The following ERCC6L variants were observed in gnomAD, a reference collection of about 807,000 sequenced individuals.
ERCC6L encodes the protein ERCC excision repair 6 like, spindle assembly checkpoint helicase.
Under a neutral mutation model 20.1 loss-of-function variants are expected in ERCC6L, and 7 were observed. The ratio of observed to expected loss-of-function variants is 0.35; its 90% confidence interval spans 0.20 to 0.65. ERCC6L has a LOEUF of 0.65. Among genes scored for constraint, ERCC6L ranks in the 30% least tolerant of loss-of-function variants. ERCC6L has a pLI of 0.69. For synonymous variants in ERCC6L, 278 were observed against 331.3 expected (o/e 0.84, Z 1.75); for missense variants, 592 against 892.4 (o/e 0.66, Z 4.29).
chrX:72,221,790 C>T (rs763893637), intron 1 of ERCC6L, among the ~76,000 whole-genome samples: 23 of 110,194 alleles, frequency 2.1e-4, no homozygotes, highest in Non-Finnish European at 4.4e-4. Context: ...TCCCAACCCT[C>T]CCTATGTCAA....
chrX:72,220,954 G>A (rs905816727), intron 1 of ERCC6L, among the ~76,000 whole-genome samples: 6 of 111,826 alleles, frequency 5.4e-5, no homozygotes, highest in Admixed American at 2.8e-4. Flanking sequence ...AGTGGGCAAC[G>A]GCAGCTCATC....
Position 72,207,730 on chromosome X carries a change from T to A in ERCC6L, c.1037A>T (p.Asn346Ile), listed in dbSNP as rs149128529. Residue 346 changes from asparagine to isoleucine, a missense_variant, in exon 2 of 2, where the codon AAT becomes ATT. Physicochemically the swap from Asn to Ile is moderately radical, Grantham distance 149. Around this residue, in one of 3 missense-constraint regions of ERCC6L, gnomAD observed 196 missense variants for 440.1 expected, o/e 0.45. Coordinates refer to ENST00000334463, the MANE Select transcript of ERCC6L (RefSeq NM_017669.4). ...GGCATCAACATCTGGATTCTTTTCA[T>A]TAAGTCTGGCCTCTGGGTTGCTTGA... The part of the protein sequence containing the change: ...KKSSNPEARL[N>I]EKNPDVDAIC... 1.0e-4 allele frequency: 127 copies of A among 1,210,098 alleles called. No homozygotes were observed. Among genetic ancestry groups the A allele is most frequent in the Admixed American group, 4.4e-4 (20 of 45,699 alleles).
chrX:72,226,645 C>T (rs1410759847), intron 1 of ERCC6L, among the ~76,000 whole-genome samples: 1 of 111,333 alleles, frequency 9.0e-6, no homozygotes, highest in African/African-American at 3.3e-5. Flanking sequence ...AGATAAAAAC[C>T]ACATTCCAAT....
chrX:72,233,812 TAAG>T (rs993039127), intron 1 of ERCC6L, among the ~76,000 whole-genome samples: 3 of 108,578 alleles, frequency 2.8e-5, no homozygotes, highest in Non-Finnish European at 3.8e-5. Flanking sequence ...GGTGGTTTTG[TAAG>T]AATATGGTTT....
intron 1 of ERCC6L, among the ~76,000 whole-genome samples, chrX:72,209,336 CCCA>C (rs1335336067): frequency 8.9e-6 from 1 of 112,032 alleles, no homozygotes; most frequent in Non-Finnish European, 1.9e-5. Flanking sequence ...CTACTCTAGA[CCCA>C]TATTCCAGCT....
At chrX:72,233,807 T>A (rs1202622382) in intron 1 of ERCC6L, among the ~76,000 whole-genome samples, 1 of 109,246 alleles carries the variant, frequency 9.2e-6, no homozygotes, top group Admixed American at 9.9e-5. Flanking sequence ...GGCATGGTGG[T>A]TTTGTAAGAA....
chrX:72,207,194 G>C lies in ERCC6L; in HGVS notation c.1573C>G (p.Gln525Glu), dbSNP rs1329575694. Reference sequence around the variant, plus strand: ...AGAAAAACAGAGTAATCTTTATTTTGCTGGAATAAGTTAATTCTTTTTTCT... The same window carrying C: ...AGAAAAACAGAGTAATCTTTATTTTCCTGGAATAAGTTAATTCTTTTTTCT... ...EREKRINLFQQNKDYSVFLLT... is the reference protein window; with the variant it reads ...EREKRINLFQENKDYSVFLLT... The change falls in exon 2 of 2, where the codon CAA (glutamine) becomes GAA (glutamate). Residue 525 changes from glutamine (Q) to glutamate (E), a missense_variant. By Grantham distance (29) the Gln-to-Glu change is conservative (BLOSUM62 2). Coordinates refer to ENST00000334463, the MANE Select transcript of ERCC6L (RefSeq NM_017669.4). 6.6e-6 allele frequency: 8 copies of C among 1,211,095 alleles called. No individual in the cohort carries two copies. Among genetic ancestry groups the C allele is most frequent in the Non-Finnish European group, 6.7e-6 (6 of 895,321 alleles).
intron 1 of ERCC6L, among the ~76,000 whole-genome samples, chrX:72,222,212 C>T (rs887081312): frequency 4.9e-4 from 55 of 112,140 alleles, no homozygotes; most frequent in Non-Finnish European, 8.6e-4. Flanking sequence ...ACAAATCAAA[C>T]GGCAGCTAGG....
chrX:72,233,422 TA>T lies in ERCC6L; in HGVS notation c.68+5421del, dbSNP rs770809488. 2.7e-5 allele frequency among the ~76,000 whole-genome samples: 3 copies of T among 111,706 alleles called. No individual in the cohort carries two copies. The East Asian group carries it at 8.5e-4, about 32-fold the overall frequency. ...GTTGTAGACCTTCTTTGGATCCTGATAAACCATTCAAAAATTTGAGGCTGGG... is the reference window on the plus strand; with the variant it reads ...GTTGTAGACCTTCTTTGGATCCTGATAACCATTCAAAAATTTGAGGCTGGG... On this transcript the variant is annotated intron_variant, in intron 1 of 1. Transcript: ENST00000334463.
intron 1 of ERCC6L, among the ~76,000 whole-genome samples, chrX:72,228,863 C>G (rs1291714892): frequency 9.0e-6 from 1 of 111,429 alleles, no homozygotes; most frequent in Non-Finnish European, 1.9e-5. Flanking sequence ...TGCGAACTAA[C>G]TCTTCCTTTG....
At chrX:72,219,586 G>A (rs927934130) in intron 1 of ERCC6L, among the ~76,000 whole-genome samples, 2 of 110,013 alleles carry the variant, frequency 1.8e-5, no homozygotes, top group Non-Finnish European at 3.8e-5. Flanking sequence ...GATAGCTCAT[G>A]CCTGTAATCC....
chrX:72,223,882 G>T (rs1049359618), intron 1 of ERCC6L, among the ~76,000 whole-genome samples: 3 of 111,352 alleles, frequency 2.7e-5, no homozygotes, highest in Non-Finnish European at 5.7e-5. Context: ...GCAAAGGCTT[G>T]TCCTAGCCCC....
At chrX:72,231,444 G>A (rs1320602811) in intron 1 of ERCC6L, among the ~76,000 whole-genome samples, 2 of 111,311 alleles carry the variant, frequency 1.8e-5, no homozygotes, top group Non-Finnish European at 3.8e-5. Flanking sequence ...GTTAGTCAAT[G>A]GTACAAAGTT....
At chrX:72,228,749 GT>G (rs1176754011) in intron 1 of ERCC6L, among the ~76,000 whole-genome samples, 1 of 108,219 alleles carries the variant, frequency 9.2e-6, no homozygotes, top group East Asian at 2.9e-4. Flanking sequence ...CTTTTTGCTT[GT>G]TTTTTTTTCA....
rs759122393 is a variant in ERCC6L, at chrX:72,208,231, G to A, written c.536C>T (p.Pro179Leu). 3 of 1,211,458 alleles carry A rather than the reference G, an allele frequency of 2.5e-6. No homozygotes were observed. In the South Asian group the frequency reaches 5.3e-5, roughly 21 times the overall value. ...GTTTCTGGTCCGTTCATCCTTGCTA[G>A]GACCATGAAAGGTTTTGACTCTCAT... ...PGMRVKTFHG[P>L]SKDERTRNLN... Residue 179 changes from proline (P) to leucine (L), a missense_variant, in exon 2 of 2, where the codon CCT (proline) becomes CTT (leucine). Pro to Leu is a moderately conservative substitution (Grantham distance 98, BLOSUM62 -3). Around this residue, in one of 3 missense-constraint regions of ERCC6L, gnomAD observed 196 missense variants for 440.1 expected, o/e 0.45. Coordinates refer to ENST00000334463, the MANE Select transcript of ERCC6L (RefSeq NM_017669.4).
chrX:72,238,492 A>C (rs950726964), intron 1 of ERCC6L, among the ~76,000 whole-genome samples: 3 of 111,935 alleles, frequency 2.7e-5, no homozygotes, highest in Admixed American at 9.5e-5. Context: ...GATTACAAAC[A>C]ATTTGGGGGC....
chrX:72,213,297 C>T (rs1318953210), intron 1 of ERCC6L, among the ~76,000 whole-genome samples: 1 of 111,710 alleles, frequency 9.0e-6, no homozygotes, highest in Non-Finnish European at 1.9e-5. Flanking sequence ...GTAAAGAGGG[C>T]TCACTGAAAT....
intron 1 of ERCC6L, among the ~76,000 whole-genome samples, chrX:72,211,639 T>C (rs1005661063): frequency 2.7e-5 from 3 of 110,419 alleles, no homozygotes; most frequent in Non-Finnish European, 5.7e-5. Flanking sequence ...AGCCAAACCA[T>C]ATCAGTGGCA....
At chrX:72,209,942 T>G (rs1236419975) in intron 1 of ERCC6L, among the ~76,000 whole-genome samples, 1 of 110,582 alleles carries the variant, frequency 9.0e-6, no homozygotes, top group Non-Finnish European at 1.9e-5. Context: ...TCAAAATGGA[T>G]CATAGATCTA....
Sources: gnomAD v4.1 joint callset for allele counts (sites outside exome capture counted in the v4.1 genomes callset) on GRCh38, gnomAD v4.1.1 for gene constraint, gnomAD v4.1.1 regional missense constraint, MANE v1.5 for transcripts, NCBI Gene and HGNC (gene_info 2026-07-23, HGNC 2026-07-21) for gene names.